FER: variants seen among roughly 807,000 people sequenced by gnomAD.
FER encodes tyrosine-protein kinase Fer.
In FER, 63 loss-of-function variants were observed where a neutral mutation model predicts 111.0. The ratio of observed to expected loss-of-function variants is 0.57; its 90% CI spans 0.46 to 0.70. FER has a LOEUF of 0.70. FER is among the 30% of genes least tolerant of loss of function. FER has a pLI of 0.00. For missense variants in FER, 914 were observed against 954.0 expected, an observed-to-expected ratio of 0.96 and a Z score of 0.55; for synonymous variants, 327 against 313.9, an observed-to-expected ratio of 1.04 and a Z score of -0.44.
intron 17 of FER, among the ~76,000 whole-genome samples, chr5:109,127,697 C>T (rs1751895609): frequency 6.6e-6 from 1 of 152,070 alleles, no homozygotes; most frequent in South Asian, 2.1e-4. Flanking sequence ...AGCCACCGTG[C>T]TTGGCCTCCA....
At chr5:109,042,815 C>T (rs564538924) in intron 14 of FER, among the ~76,000 whole-genome samples, 35 of 152,110 alleles carry the variant, frequency 2.3e-4, no homozygotes, top group African/African-American at 7.7e-4. Context: ...AGGCATGACA[C>T]GTATTTAGGG....
At chr5:109,021,751 T>G (rs1767957179) in intron 13 of FER, among the ~76,000 whole-genome samples, 1 of 152,102 alleles carries the variant, frequency 6.6e-6, no homozygotes, top group Non-Finnish European at 1.5e-5. Flanking sequence ...AAAACAAGCT[T>G]TCTTAGATTT....
intron 16 of FER, among the ~76,000 whole-genome samples, chr5:109,075,217 A>C (rs920165755): frequency 6.6e-6 from 1 of 152,162 alleles, no homozygotes; most frequent in East Asian, 1.9e-4. Flanking sequence ...GTTAAGACTT[A>C]GAAAAAAATT....
At chr5:109,070,338 G>A (rs1193757981) in intron 16 of FER, among the ~76,000 whole-genome samples, 1 of 151,916 alleles carries the variant, frequency 6.6e-6, no homozygotes, top group Non-Finnish European at 1.5e-5. Context: ...GTTGGGGAAT[G>A]ATACTCTTAC....
At chr5:108,865,613 A>T (rs189262259) in intron 5 of FER, among the ~76,000 whole-genome samples, 12 of 152,340 alleles carry the variant, frequency 7.9e-5, no homozygotes, top group Admixed American at 2.0e-4. Context: ...GAGCTTCTGC[A>T]CAGCAAAAGA....
At chr5:108,870,088 T>C (rs867073123) in intron 6 of FER, among the ~76,000 whole-genome samples, 36 of 152,118 alleles carry the variant, frequency 2.4e-4, no homozygotes, top group South Asian at 2.1e-4. Flanking sequence ...TGATTTTCAA[T>C]AATAGTATCT....
At chr5:108,973,034 T>C (rs1760873527) in intron 13 of FER, among the ~76,000 whole-genome samples, 1 of 152,208 alleles carries the variant, frequency 6.6e-6, no homozygotes, top group Non-Finnish European at 1.5e-5. Flanking sequence ...CGGCAAACTA[T>C]ATCTAATTGT....
intron 15 of FER, among the ~76,000 whole-genome samples, chr5:109,045,125 C>T (rs969169001): frequency 6.6e-6 from 1 of 151,844 alleles, no homozygotes; most frequent in Non-Finnish European, 1.5e-5. Flanking sequence ...CTGTACAGCT[C>T]ACATATACAT....
chr5:108,872,826 C>T (rs1764725711), intron 8 of FER, among the ~76,000 whole-genome samples: 1 of 152,074 alleles, frequency 6.6e-6, no homozygotes, highest in African/African-American at 2.4e-5. Flanking sequence ...AATATTTAAC[C>T]TATCTCTTGA....
intron 13 of FER, among the ~76,000 whole-genome samples, chr5:109,033,018 C>G (rs1364526472): frequency 6.6e-6 from 1 of 152,184 alleles, no homozygotes; most frequent in Non-Finnish European, 1.5e-5. Flanking sequence ...TCACAGATCA[C>G]TTGCAAGCAA....
At chr5:108,846,579 A>G (rs1762047896) in intron 5 of FER, among the ~76,000 whole-genome samples, 1 of 151,536 alleles carries the variant, frequency 6.6e-6, no homozygotes, top group Non-Finnish European at 1.5e-5. Flanking sequence ...CTTTTTATTT[A>G]TATATTTTTT....
chr5:108,918,491 T>C (rs1473886304), intron 10 of FER, among the ~76,000 whole-genome samples: 1 of 138,746 alleles, frequency 7.2e-6, no homozygotes, highest in Non-Finnish European at 1.6e-5. Context: ...GTGTTTTTTC[T>C]TTTTTTTTTT....
chr5:109,123,157 GTTTTTTT>G (rs747514879), intron 17 of FER, among the ~76,000 whole-genome samples: 21 of 124,220 alleles, frequency 1.7e-4, no homozygotes, highest in African/African-American at 6.2e-4. Flanking sequence ...TTCCTGTCTT[GTTTTTTT>G]TTTTTTTTTG....
chr5:109,037,504 C>T, intron 14 of FER, 26 bp downstream of exon 14: 1 of 1,590,046 alleles, frequency 6.3e-7, no homozygotes, highest in Non-Finnish European at 8.6e-7. Flanking sequence ...AGCTAAATAA[C>T]CAGAAGTCTC....
chr5:109,011,632 A>G (rs796379415), intron 13 of FER, among the ~76,000 whole-genome samples: 4 of 152,110 alleles, frequency 2.6e-5, no homozygotes, highest in African/African-American at 9.6e-5. Flanking sequence ...TTGCATGTTT[A>G]TGTTTTTAGC....
chr5:109,032,538 G>A (rs955163248), intron 13 of FER, among the ~76,000 whole-genome samples: 1 of 152,068 alleles, frequency 6.6e-6, no homozygotes, highest in Admixed American at 6.6e-5. Flanking sequence ...CTAAGACAGG[G>A]ACAGTCAGCT....
At chr5:109,051,486 G>A in intron 16 of FER, 2 of 1,612,612 alleles carry the variant, frequency 1.2e-6, no homozygotes, top group Admixed American at 1.7e-5. Context: ...TAGAGATGGT[G>A]CTTCCCGCCT....
At chr5:108,785,938 C>G (rs1256606182) in intron 2 of FER, among the ~76,000 whole-genome samples, 6 of 152,136 alleles carry the variant, frequency 3.9e-5, no homozygotes, top group Non-Finnish European at 1.5e-5. Context: ...TTGTCTCTTG[C>G]AGTATTTGTT....
In FER at chr5:108,873,256, G is replaced by A. The variant is rs111717181; in HGVS notation, c.923+1044G>A. 5.6e-3 allele frequency among the ~76,000 whole-genome samples: 854 copies of A among 152,176 alleles called. 11 individuals carry two copies. Among genetic ancestry groups the A allele is most frequent in the African/African-American group, 0.019 (808 of 41,522 alleles). On this transcript the variant is annotated intron_variant, in intron 8 of 19. Coordinates refer to ENST00000281092, the MANE Select transcript of FER (RefSeq NM_005246.4). ...GCCTCGCAGTTCAAATGATTCTCAT[G>A]CCTCAGCCTCCTGAGTAGCTGGATT...
Sources: gnomAD v4.1 joint callset for allele counts (sites outside exome capture counted in the v4.1 genomes callset) on GRCh38, gnomAD v4.1.1 for gene constraint, MANE v1.5 for transcripts, NCBI Gene and HGNC (gene_info 2026-07-23, HGNC 2026-07-21) for gene names.